GRIN2B: variants seen among roughly 807,000 people sequenced by gnomAD.
GRIN2B encodes the protein glutamate receptor ionotropic, NMDA 2B.
Under a neutral mutation model 114.5 loss-of-function variants are expected in GRIN2B, and 5 were observed. The ratio of observed to expected loss-of-function variants is 0.04; its 90% CI spans 0.02 to 0.09. The LOEUF is 0.09. Ranked by LOEUF, GRIN2B falls within the 10% of genes least tolerant of loss-of-function variation. GRIN2B has a pLI of 1.00. For synonymous variants in GRIN2B, 787 were observed against 745.1 expected (o/e 1.06, Z -0.92); for missense variants, 1,108 against 1,943.5 (o/e 0.57, Z 8.08).
intron 10 of GRIN2B, among the ~76,000 whole-genome samples, chr12:13,595,300 C>T (rs780927534): frequency 1.8e-4 from 27 of 152,072 alleles, no homozygotes; most frequent in Non-Finnish European, 3.1e-4. Context: ...CGTTCTCATG[C>T]CCTTTGCCTG....
At chr12:13,927,985 G>T (rs1445552277) in intron 2 of GRIN2B, among the ~76,000 whole-genome samples, 2 of 28,564 alleles carry the variant, frequency 7.0e-5, no homozygotes, top group South Asian at 2.5e-3. Flanking sequence ...AAAAAAAAGG[G>T]GGGGTATGCT....
intron 2 of GRIN2B, among the ~76,000 whole-genome samples, chr12:13,905,688 A>G (rs1591613816): frequency 1.3e-5 from 2 of 152,296 alleles, no homozygotes; most frequent in South Asian, 4.2e-4. Context: ...GCTTAAAAGA[A>G]CTACAGACCG....
At chr12:13,738,617 T>C (rs2300261) in intron 4 of GRIN2B, among the ~76,000 whole-genome samples, 35,476 of 152,064 alleles carry the variant, frequency 0.23, 5,367 homozygotes, top group East Asian at 0.59. Context: ...CCAGTGGAAA[T>C]CACAATTTTC....
rs3082833 is a variant in GRIN2B at position 13,794,207 on chromosome 12, CAAAAAA to C, written c.412-40298_412-40293del. Among the ~76,000 whole-genome samples the C allele has an allele frequency of 7.8e-5, 8 of 103,034 alleles. No individual in the cohort carries two copies. In the East Asian group the frequency reaches 1.9e-3, roughly 25 times the overall value. 67.6% of individuals were successfully genotyped at this position (103,034 alleles called of 152,430 possible). On this transcript the variant is annotated intron_variant, in intron 3 of 13. Transcript: ENST00000609686. ...TGGGCAATAGTGTGAGACTCTGTCT[CAAAAAA>C]AAAAAAAAAAGAAAAAGAAAAGAAA...
chr12:13,641,750 G>A (rs1332849934), intron 5 of GRIN2B, among the ~76,000 whole-genome samples: 4 of 152,128 alleles, frequency 2.6e-5, no homozygotes, highest in Non-Finnish European at 4.4e-5. Flanking sequence ...GTATAGGCAG[G>A]TGCTTTAATG....
intron 2 of GRIN2B, among the ~76,000 whole-genome samples, chr12:13,887,465 T>C (rs1439428505): frequency 2.0e-5 from 3 of 151,934 alleles, no homozygotes; most frequent in African/African-American, 4.8e-5. Flanking sequence ...AAAAGACTAA[T>C]ACGTAGGCAT....
At chr12:13,852,961 C>T (rs1334770126) in intron 3 of GRIN2B, among the ~76,000 whole-genome samples, 2 of 152,162 alleles carry the variant, frequency 1.3e-5, no homozygotes, top group Admixed American at 1.3e-4. Flanking sequence ...ACTGACCCTC[C>T]TATTACTCAT....
At chr12:13,679,824 T>A (rs559204520) in intron 4 of GRIN2B, among the ~76,000 whole-genome samples, 3 of 152,284 alleles carry the variant, frequency 2.0e-5, no homozygotes, top group South Asian at 4.1e-4. Context: ...AGACATGTGA[T>A]CTTGGCACCT....
At chr12:13,598,118 C>A (rs1949099766) in intron 10 of GRIN2B, among the ~76,000 whole-genome samples, 1 of 152,192 alleles carries the variant, frequency 6.6e-6, no homozygotes, top group Non-Finnish European at 1.5e-5. Context: ...TCTGGCATTG[C>A]CACTCCCTAG....
chr12:13,696,257 A>G (rs563770580), intron 4 of GRIN2B, among the ~76,000 whole-genome samples: 13 of 152,290 alleles, frequency 8.5e-5, no homozygotes, highest in Non-Finnish European at 8.8e-5. Context: ...GGGAAACAGC[A>G]TCCCACAAGT....
intron 3 of GRIN2B, among the ~76,000 whole-genome samples, chr12:13,799,527 C>A (rs957538245): frequency 2.0e-5 from 3 of 152,136 alleles, no homozygotes; most frequent in Non-Finnish European, 4.4e-5. Context: ...CAGGGTAGAA[C>A]CCCAGGGCAT....
At chr12:13,798,153 C>G (rs1864448663) in intron 3 of GRIN2B, among the ~76,000 whole-genome samples, 1 of 152,300 alleles carries the variant, frequency 6.6e-6, no homozygotes, top group Admixed American at 6.5e-5. Context: ...TCCATTAGAA[C>G]CATTCCTGAC....
At chr12:13,926,729 G>A (rs1415327341) in intron 2 of GRIN2B, among the ~76,000 whole-genome samples, 2 of 152,180 alleles carry the variant, frequency 1.3e-5, no homozygotes, top group South Asian at 2.1e-4. Flanking sequence ...CGAGACGGGC[G>A]GATCACGAGG....
At chr12:13,914,730 A>T (rs984979433) in intron 2 of GRIN2B, among the ~76,000 whole-genome samples, 1 of 152,228 alleles carries the variant, frequency 6.6e-6, no homozygotes, top group African/African-American at 2.4e-5. Flanking sequence ...ACAATGGAAT[A>T]CTATTCAATC....
rs1020772367 is a variant in GRIN2B at position 13,615,983 on chromosome 12, G to A, written c.1329-319C>T. ...ACTGAACTCTTATTAATCAGCACCC[G>A]GATCCAGATACAGAAAAGTTACCAG... On this transcript the variant is annotated intron_variant, in intron 6 of 13. Coordinates refer to ENST00000609686, the MANE Select transcript of GRIN2B (RefSeq NM_000834.5). This position sits in a 1 kb window ranked among gnomAD's most constrained non-coding sequence, Gnocchi z 5.8. Among the ~76,000 whole-genome samples, 3 of 152,066 alleles carry A rather than the reference G, an allele frequency of 2.0e-5. No homozygotes were observed. Among genetic ancestry groups the A allele is most frequent in the East Asian group, 1.9e-4 (1 of 5,182 alleles).
rs1948451201 is a variant in GRIN2B, at chr12:13,554,237, A to G, written c.*8546T>C. The G allele has an allele frequency of 6.6e-6, 1 of 152,218 alleles. No homozygotes were observed. Among genetic ancestry groups the G allele is most frequent in the Non-Finnish European group, 1.5e-5 (1 of 68,044 alleles). 9.4% of individuals were successfully genotyped at this position (152,218 alleles called of 1,614,324 possible). A position where few individuals can be genotyped will look rare whatever the true frequency, so the allele number is the denominator to read the frequency against. On this transcript the variant is annotated 3_prime_UTR_variant, in exon 14 of 14. Coordinates refer to ENST00000609686, the MANE Select transcript of GRIN2B (RefSeq NM_000834.5). ...TGCTGTAGCAGGAGAGATGAGATGT[A>G]TAACCAAATACCTATGAAATAAGAT... is the stretch of plus-strand genomic sequence containing the variant.
intron 3 of GRIN2B, among the ~76,000 whole-genome samples, chr12:13,838,087 C>A (rs1865310628): frequency 6.6e-6 from 1 of 152,126 alleles, no homozygotes; most frequent in East Asian, 1.9e-4. Context: ...AAATGTAAAA[C>A]CATCCATTTT....
intron 2 of GRIN2B, among the ~76,000 whole-genome samples, chr12:13,930,612 T>C (rs779390163): frequency 2.6e-5 from 4 of 152,194 alleles, no homozygotes; most frequent in Non-Finnish European, 5.9e-5. Flanking sequence ...TATCGGTAAT[T>C]TATAATTTAT....
In GRIN2B at chr12:13,549,274, G is replaced by A. The variant is rs977977150; in HGVS notation, c.*13509C>T. 1.3e-4 allele frequency: 20 copies of A among 152,264 alleles called. No individual in the cohort carries two copies. Among genetic ancestry groups the A allele is most frequent in the Admixed American group, 5.9e-4 (9 of 15,290 alleles). 9.4% of individuals were successfully genotyped at this position (152,264 alleles called of 1,614,324 possible). A position where few individuals can be genotyped will look rare whatever the true frequency, so the allele number is the denominator to read the frequency against. The stretch of plus-strand genomic sequence containing the variant: ...TTGTGACAAAATCAAGGTCTCATAA[G>A]TATTCTCAGGAGACTATTAATTTTG... On this transcript the variant is annotated 3_prime_UTR_variant, in exon 14 of 14. Coordinates refer to ENST00000609686, the MANE Select transcript of GRIN2B (RefSeq NM_000834.5).
Sources: allele counts gnomAD v4.1 joint callset (sites outside exome capture counted in the v4.1 genomes callset), GRCh38; gene constraint gnomAD v4.1.1; non-coding constraint Gnocchi (gnomAD v3.1); transcripts MANE v1.5; gene names NCBI Gene and HGNC (gene_info 2026-07-23, HGNC 2026-07-21).